The following TNFRSF21 variants were observed in gnomAD, a reference collection of about 807,000 sequenced individuals.
TNFRSF21 encodes the protein TNF receptor superfamily member 21.
In TNFRSF21, 19 loss-of-function variants were observed where a neutral mutation model predicts 45.6. The observed-to-expected ratio is 0.42, with a 90% CI of 0.29 to 0.61. The LOEUF is 0.61. Ranked by LOEUF, TNFRSF21 falls within the 20% of genes least tolerant of loss-of-function variation. TNFRSF21 has a pLI of 0.23. For synonymous variants in TNFRSF21, 314 were observed against 335.5 expected (o/e 0.94, Z 0.70); for missense variants, 737 against 851.5 (o/e 0.87, Z 1.67).
intron 3 of TNFRSF21, among the ~76,000 whole-genome samples, chr6:47,265,741 C>T (rs1467093218): frequency 6.6e-6 from 1 of 152,202 alleles, no homozygotes; most frequent in Admixed American, 6.5e-5. Flanking sequence ...GAAGCCTTTC[C>T]TATAAAGGTT....
intron 3 of TNFRSF21, among the ~76,000 whole-genome samples, chr6:47,261,361 G>T (rs1025245999): frequency 6.6e-6 from 1 of 152,226 alleles, no homozygotes; most frequent in Admixed American, 6.5e-5. Flanking sequence ...CCCAGCACCT[G>T]TCAGAGGAAT....
At chr6:47,269,364 G>A (rs1267656881) in intron 3 of TNFRSF21, among the ~76,000 whole-genome samples, 1 of 152,090 alleles carries the variant, frequency 6.6e-6, no homozygotes, top group Admixed American at 6.5e-5. Flanking sequence ...CCTAGTCCTG[G>A]AACAGTGCCT....
intron 4 of TNFRSF21, among the ~76,000 whole-genome samples, chr6:47,243,031 T>C (rs1476499137): frequency 6.6e-6 from 1 of 152,256 alleles, no homozygotes; most frequent in Admixed American, 6.5e-5. Context: ...ACTCAAGACC[T>C]TGAAGTAAGA....
intron 4 of TNFRSF21, among the ~76,000 whole-genome samples, chr6:47,235,973 A>G (rs1764661570): frequency 6.6e-6 from 1 of 152,210 alleles, no homozygotes; most frequent in Non-Finnish European, 1.5e-5. Context: ...GATTCAAAGT[A>G]GGGAGAGCAG....
At chr6:47,284,501 C>T (rs2113863774) in intron 2 of TNFRSF21, 69 bp from the exon 3 acceptor site, 1 of 1,450,248 alleles carries the variant, frequency 6.9e-7, no homozygotes, top group Non-Finnish European at 9.1e-7. Context: ...CCCTCCTTTC[C>T]CTGGTCATCT....
At chr6:47,285,840 G>T in intron 2 of TNFRSF21, 104 bp downstream of exon 2, 1 of 1,311,762 alleles carries the variant, frequency 7.6e-7, no homozygotes, top group Non-Finnish European at 1.0e-6. Context: ...GGGTGACTTT[G>T]GAATACACGA....
At chr6:47,306,373 C>T (rs1762939347) in intron 1 of TNFRSF21, among the ~76,000 whole-genome samples, 2 of 152,176 alleles carry the variant, frequency 1.3e-5, no homozygotes, top group African/African-American at 4.8e-5. Flanking sequence ...GTGAAACACG[C>T]AGTGTGGCAC....
chr6:47,298,782 G>A (rs1321170446), intron 1 of TNFRSF21, among the ~76,000 whole-genome samples: 1 of 152,146 alleles, frequency 6.6e-6, no homozygotes, highest in Non-Finnish European at 1.5e-5. Flanking sequence ...CACAGACAAA[G>A]TTTACCAGCC....
intron 3 of TNFRSF21, among the ~76,000 whole-genome samples, chr6:47,276,787 T>C (rs1366777755): frequency 2.0e-5 from 3 of 152,230 alleles, no homozygotes; most frequent in Admixed American, 6.5e-5. Context: ...TTGGACAGCA[T>C]AGATTTATAT....
intron 1 of TNFRSF21, among the ~76,000 whole-genome samples, chr6:47,306,372 G>A (rs772928764): frequency 3.9e-5 from 6 of 152,298 alleles, no homozygotes; most frequent in Middle Eastern, 3.4e-3. Context: ...TGTGAAACAC[G>A]CAGTGTGGCA....
intron 3 of TNFRSF21, among the ~76,000 whole-genome samples, chr6:47,261,220 T>C (rs1765069736): frequency 6.6e-6 from 1 of 152,156 alleles, no homozygotes; most frequent in Non-Finnish European, 1.5e-5. Context: ...GCAACATATG[T>C]CAAAGTCAGA....
intron 1 of TNFRSF21, among the ~76,000 whole-genome samples, chr6:47,300,369 T>G (rs1213558914): frequency 6.6e-6 from 1 of 152,124 alleles, no homozygotes; most frequent in Non-Finnish European, 1.5e-5. Context: ...CTCTCCAAAA[T>G]TTCTATCTAG....
At chr6:47,303,324 G>A (rs1284104395) in intron 1 of TNFRSF21, among the ~76,000 whole-genome samples, 7 of 152,142 alleles carry the variant, frequency 4.6e-5, no homozygotes, top group Non-Finnish European at 2.9e-5. Context: ...TAGTTTTCTT[G>A]TTTTTATTTT....
intron 3 of TNFRSF21, among the ~76,000 whole-genome samples, chr6:47,259,836 G>T (rs994381732): frequency 6.6e-6 from 1 of 152,152 alleles, no homozygotes; most frequent in Non-Finnish European, 1.5e-5. Flanking sequence ...CATGAGGATG[G>T]GAAGGATCAG....
At chr6:47,267,636 G>T (rs913976600) in intron 3 of TNFRSF21, among the ~76,000 whole-genome samples, 4 of 152,012 alleles carry the variant, frequency 2.6e-5, no homozygotes, top group Non-Finnish European at 5.9e-5. Context: ...GGCCTTGTGG[G>T]AAAGAAAAAG....
At chr6:47,301,425 G>T (rs1762863184) in intron 1 of TNFRSF21, among the ~76,000 whole-genome samples, 1 of 152,186 alleles carries the variant, frequency 6.6e-6, no homozygotes, top group African/African-American at 2.4e-5. Flanking sequence ...CCCAAGAGGA[G>T]AGAGGAGTCA....
rs1406437675 is a variant in TNFRSF21, at chr6:47,297,876, A to G, written c.97-11281T>C. On this transcript the variant is annotated intron_variant, in intron 1 of 5. Transcript: ENST00000296861. Reference sequence around the variant, plus strand: ...AAATGCAAGTATTCAATTCCTGAGAAGTGTATCAAAGACTTCAGATTTTTA... The same window carrying G: ...AAATGCAAGTATTCAATTCCTGAGAGGTGTATCAAAGACTTCAGATTTTTA... Among the ~76,000 whole-genome samples, 3 of 152,204 alleles carry G rather than the reference A, an allele frequency of 2.0e-5. No individual in the cohort carries two copies. The East Asian group carries it at 5.8e-4, about 29-fold the overall frequency.
At chr6:47,255,654 G>A (rs906634686) in intron 3 of TNFRSF21, among the ~76,000 whole-genome samples, 2 of 152,012 alleles carry the variant, frequency 1.3e-5, no homozygotes, top group African/African-American at 4.8e-5. Context: ...TAGAGATGAG[G>A]TTTCATCAGT....
chr6:47,262,699 G>A (rs923671931), intron 3 of TNFRSF21, among the ~76,000 whole-genome samples: 9 of 152,136 alleles, frequency 5.9e-5, no homozygotes, highest in Non-Finnish European at 1.2e-4. Flanking sequence ...GAGGGTTCTG[G>A]GCAAAGGGAG....
Sources: gnomAD v4.1 joint callset for allele counts (sites outside exome capture counted in the v4.1 genomes callset) on GRCh38, gnomAD v4.1.1 for gene constraint, MANE v1.5 for transcripts, NCBI Gene and HGNC (gene_info 2026-07-23, HGNC 2026-07-21) for gene names.